The following TMEM52B variants were observed in gnomAD, a reference collection of about 807,000 sequenced individuals.
TMEM52B encodes chromosome 12 open reading frame 59.
A neutral mutation model predicts 16.1 loss-of-function variants in TMEM52B; 11 were observed. The ratio of observed to expected loss-of-function variants is 0.68; its 90% CI spans 0.43 to 1.13. TMEM52B has a LOEUF of 1.13. Among genes scored for constraint, TMEM52B ranks in the 50% most tolerant of loss-of-function variants. TMEM52B has a pLI of 0.00. For missense variants in TMEM52B, 243 were observed against 230.4 expected, an observed-to-expected ratio of 1.05 and a Z score of -0.35; for synonymous variants, 101 against 93.8, an observed-to-expected ratio of 1.08 and a Z score of -0.45.
rs1034145258 is a variant in TMEM52B, at chr12:10,189,970, C to G, written c.382C>G (p.Leu128Val). 1 of 1,614,182 alleles carries G rather than the reference C, an allele frequency of 6.2e-7. No individual in the cohort carries two copies. The highest frequency in any genetic ancestry group is 8.5e-7 in the Non-Finnish European group (1 of 1,180,038). ...TCACTCCCACAGCTCCCTGGGCCAG[C>G]TGCCCTCCTCTTTGGACACCCTCCC... ...VAHSHSSLGQ[L>V]PSSLDTLPGY... The change falls in exon 5 of 5, where the codon CTG becomes GTG. Residue 128 changes from leucine to valine, a missense_variant. Coordinates refer to ENST00000543484, the MANE Select transcript of TMEM52B (RefSeq NM_001384896.1).
At chr12:10,187,937 A>G (rs1054625972) in intron 4 of TMEM52B, among the ~76,000 whole-genome samples, 4 of 151,992 alleles carry the variant, frequency 2.6e-5, no homozygotes, top group Non-Finnish European at 5.9e-5. Flanking sequence ...CGTCTCTACT[A>G]AAAATACAAA....
chr12:10,181,910 C>T (rs1017419282), intron 1 of TMEM52B, among the ~76,000 whole-genome samples: 75 of 150,494 alleles, frequency 5.0e-4, no homozygotes, highest in African/African-American at 1.7e-3. Context: ...GCCTGTAGTC[C>T]CAGCTACTCG....
At position 10,190,724 on chromosome 12, in the gene TMEM52B, GTCTT is replaced by G. The variant is rs775850833; in HGVS notation, c.*592_*595del. The G allele has an allele frequency of 1.9e-5, 3 of 157,138 alleles. 1 individual carries two copies. Among genetic ancestry groups the G allele is most frequent in the South Asian group, 3.7e-4 (2 of 5,358 alleles). 9.7% of individuals were successfully genotyped at this position (157,138 alleles called of 1,614,324 possible). ...TATAGTATTTAAGTGCCAAATATCA[GTCTT>G]TCTTTCTCTCTGGTCCTACCCCTCA... On this transcript the variant is annotated 3_prime_UTR_variant, in exon 5 of 5. Transcript: ENST00000543484.
upstream of TMEM52B, among the ~76,000 whole-genome samples, chr12:10,177,770 T>A (rs1489198802): frequency 5.2e-5 from 1 of 19,166 alleles, no homozygotes; most frequent in Non-Finnish European, 8.6e-5. Context: ...CTGTCTCAAA[T>A]AATAATAATA....
intron 2 of TMEM52B, among the ~76,000 whole-genome samples, chr12:10,184,787 C>T (rs190860847): frequency 5.2e-4 from 79 of 152,172 alleles, no homozygotes; most frequent in African/African-American, 1.9e-3. Context: ...AGTTTCACAT[C>T]CATTTTCAAA....
At chr12:10,174,512 T>C (rs1948751905), upstream of TMEM52B, among the ~76,000 whole-genome samples, 1 of 152,166 alleles carries the variant, frequency 6.6e-6, no homozygotes, top group Admixed American at 6.5e-5. Flanking sequence ...AAAAAGCTTC[T>C]AACCTTCCCC....
chr12:10,190,513 G>A lies in TMEM52B; in HGVS notation c.*373G>A, dbSNP rs1275353671. 2 of 230,232 alleles carry A rather than the reference G, an allele frequency of 8.7e-6. No individual in the cohort carries two copies. The highest frequency in any genetic ancestry group is 2.2e-5 in the African/African-American group (1 of 44,716). The allele number at this position is 230,232 out of a possible 1,614,324, so 14.3% of individuals were successfully genotyped here. ...GTCAGCGAATCCACTGCGGTTAACT[G>A]GAAAAGAAAGACAACAGTGTCAGCA... On this transcript the variant is annotated 3_prime_UTR_variant, in exon 5 of 5. Coordinates refer to ENST00000543484, the MANE Select transcript of TMEM52B (RefSeq NM_001384896.1).
At chr12:10,189,849 G>C (rs1948935956) in intron 4 of TMEM52B, 47 bp from the exon 5 acceptor site, 1 of 1,603,642 alleles carries the variant, frequency 6.2e-7, no homozygotes, top group East Asian at 2.2e-5. Context: ...GTCTGAGGGT[G>C]TCCTGTTTCC....
At chr12:10,177,750 C>T (rs947076311), upstream of TMEM52B, among the ~76,000 whole-genome samples, 2 of 146,054 alleles carry the variant, frequency 1.4e-5, no homozygotes, top group Admixed American at 6.9e-5. Flanking sequence ...AGCCTGGTGA[C>T]AGAGAGACTC....
At chr12:10,187,829 T>C (rs1156481688) in intron 4 of TMEM52B, among the ~76,000 whole-genome samples, 1 of 152,168 alleles carries the variant, frequency 6.6e-6, no homozygotes, top group Admixed American at 6.5e-5. Context: ...CTGGGCGCAG[T>C]GGCTCATGCC....
At chr12:10,174,168 C>A (rs1948749373), upstream of TMEM52B, among the ~76,000 whole-genome samples, 1 of 152,148 alleles carries the variant, frequency 6.6e-6, no homozygotes, top group African/African-American at 2.4e-5. Flanking sequence ...TCAAGCAATT[C>A]TCCTGCCTCA....
intron 3 of TMEM52B, 73 bp from the exon 4 acceptor site, chr12:10,186,347 A>T: frequency 8.0e-7 from 1 of 1,257,834 alleles, no homozygotes; most frequent in Non-Finnish European, 1.1e-6. Context: ...CACAGACATT[A>T]AAGACTGGTT....
At chr12:10,187,083 T>C (rs1282764580) in intron 4 of TMEM52B, among the ~76,000 whole-genome samples, 1 of 151,178 alleles carries the variant, frequency 6.6e-6, no homozygotes, top group Non-Finnish European at 1.5e-5. Flanking sequence ...TCTGTGGTTC[T>C]ATTCTTTCCA....
upstream of TMEM52B, among the ~76,000 whole-genome samples, chr12:10,178,560 T>C (rs1009625195): frequency 2.6e-5 from 4 of 151,264 alleles, no homozygotes; most frequent in African/African-American, 7.3e-5. Context: ...TGCTTTTGCA[T>C]GTGTGCTTGT....
At chr12:10,175,757 G>A (rs1211064661), upstream of TMEM52B, among the ~76,000 whole-genome samples, 3 of 152,176 alleles carry the variant, frequency 2.0e-5, no homozygotes, top group Non-Finnish European at 4.4e-5. Flanking sequence ...ATTTATTTTT[G>A]AAATCAGGGC....
rs1201829592 is a variant in TMEM52B, at chr12:10,179,409, G to A, written c.-166G>A. ...AGCCATAGAAAATAACAGCCAGAGCGAGTAGGAGGAGACAGAGAGAACGAG... is the reference window on the plus strand; with the variant it reads ...AGCCATAGAAAATAACAGCCAGAGCAAGTAGGAGGAGACAGAGAGAACGAG... On this transcript the variant is annotated 5_prime_UTR_variant, in exon 1 of 5. Coordinates refer to ENST00000543484, the MANE Select transcript of TMEM52B (RefSeq NM_001384896.1). 1.6e-5 allele frequency: 11 copies of A among 693,210 alleles called. No homozygotes were observed. Among genetic ancestry groups the A allele is most frequent in the African/African-American group, 7.1e-5 (4 of 56,170 alleles). 42.9% of individuals were successfully genotyped at this position (693,210 alleles called of 1,614,324 possible). A position where few individuals can be genotyped will look rare whatever the true frequency, so the allele number is the denominator to read the frequency against.
intron 2 of TMEM52B, among the ~76,000 whole-genome samples, chr12:10,182,842 C>T (rs1948839543): frequency 1.3e-5 from 2 of 152,200 alleles, no homozygotes; most frequent in African/African-American, 4.8e-5. Flanking sequence ...CGATTAATCT[C>T]AACTTATACA....
At chr12:10,187,099 G>GTTTTTTTTTTTTTT (rs71049057) in intron 4 of TMEM52B, among the ~76,000 whole-genome samples, 3 of 82,166 alleles carry the variant, frequency 3.7e-5, no homozygotes, top group African/African-American at 1.5e-4. Flanking sequence ...TTCCATGACG[G>GTTTTTTTTTTTTTT]TTTTTTTTTT....
chr12:10,172,813 A>G (rs1357587326), intron 1 of TMEM52B, among the ~76,000 whole-genome samples: 1 of 152,164 alleles, frequency 6.6e-6, no homozygotes, highest in Non-Finnish European at 1.5e-5. Flanking sequence ...GATAATGTCT[A>G]CCTGATAACA....
Sources: gnomAD v4.1 joint callset for allele counts (sites outside exome capture counted in the v4.1 genomes callset) on GRCh38, gnomAD v4.1.1 for gene constraint, MANE v1.5 for transcripts, NCBI Gene and HGNC (gene_info 2026-07-23, HGNC 2026-07-21) for gene names.